The following TSBP1 variants were observed in gnomAD, a reference collection of about 807,000 sequenced individuals.
TSBP1 encodes the protein testis expressed basic protein 1.
Under a neutral mutation model 68.8 loss-of-function variants are expected in TSBP1, and 56 were observed. That is an observed-to-expected ratio of 0.81 (90% CI 0.66 to 1.02). The LOEUF (loss-of-function observed/expected upper bound fraction) is 1.02, where lower values mean the gene tolerates loss of function less well. Among genes scored for constraint, TSBP1 ranks in the 50% least tolerant of loss-of-function variants. The pLI is 0.00. For missense variants in TSBP1, 502 were observed against 641.2 expected (o/e 0.78, Z 2.34); for synonymous variants, 171 against 208.7 (o/e 0.82, Z 1.56).
At chr6:32,317,942 A>G (rs6927448) in intron 18 of TSBP1, among the ~76,000 whole-genome samples, 7,016 of 152,278 alleles carry the variant, frequency 0.046, 367 homozygotes, top group African/African-American at 0.13. Flanking sequence ...CGACCCAGCA[A>G]TCCCATTTCT....
rs376839979 is a variant in TSBP1 at position 32,292,959 on chromosome 6, T to C, written c.*22A>G. The C allele has an allele frequency of 1.6e-4, 225 of 1,429,372 alleles. No homozygotes were observed. The highest frequency in any genetic ancestry group is 2.1e-4 in the Non-Finnish European group (215 of 1,027,332). The allele number at this position is 1,429,372 out of a possible 1,614,324, so 88.5% of individuals were successfully genotyped here. A position where few individuals can be genotyped will look rare whatever the true frequency, so the allele number is the denominator to read the frequency against. On this transcript the variant is annotated 3_prime_UTR_variant, in exon 23 of 23. Coordinates refer to ENST00000612031, the Ensembl canonical transcript of TSBP1. The surrounding 1 kb of genome is among the most constrained non-coding windows in gnomAD (Gnocchi z 4.1). ...GGAATCATAATAATCACTTGTCTTATGGGCCTTTAAAAAATTTATCCTTAC... is the reference window on the plus strand; with the variant it reads ...GGAATCATAATAATCACTTGTCTTACGGGCCTTTAAAAAATTTATCCTTAC...
chr6:32,322,302 T>A (rs558177326), intron 18 of TSBP1, among the ~76,000 whole-genome samples, 184 bp downstream of exon 20: 11 of 152,322 alleles, frequency 7.2e-5, no homozygotes, highest in African/African-American at 2.4e-4. Flanking sequence ...AAGCTGAGTT[T>A]AGAACTAAAA....
rs540794057 is a variant in TSBP1 at position 32,316,283 on chromosome 6, T to G, written c.560-491A>C. The G allele has an allele frequency of 1.6e-5, 13 of 800,596 alleles. No individual in the cohort carries two copies. Among genetic ancestry groups the G allele is most frequent in the Non-Finnish European group, 2.4e-5 (12 of 491,518 alleles). The allele number at this position is 800,596 out of a possible 1,614,324, so 49.6% of individuals were successfully genotyped here. A position where few individuals can be genotyped will look rare whatever the true frequency, so the allele number is the denominator to read the frequency against. On this transcript the variant is annotated intron_variant, in intron 18 of 22. Coordinates refer to ENST00000612031, the Ensembl canonical transcript of TSBP1. The surrounding 1 kb of genome is among the most constrained non-coding windows in gnomAD (Gnocchi z 4.5). Reference sequence around the variant, plus strand: ...AAAAGATTCTCTGTAATATAGACCATGTAGGGTAATAAGGAAGCAAGGGAA... The same window carrying G: ...AAAAGATTCTCTGTAATATAGACCAGGTAGGGTAATAAGGAAGCAAGGGAA...
Position 32,339,037 on chromosome 6 carries a change from A to G in TSBP1, c.389-38T>C, listed in dbSNP as rs760551409. On this transcript the variant is annotated intron_variant, in intron 10 of 22. Coordinates refer to ENST00000612031, the Ensembl canonical transcript of TSBP1. Reference sequence around the variant, plus strand: ...CAAAAAAGGTGAGTTTGAAGAGAGCATGACTCAAGGGTGTTTATCTCAGGG... The same window carrying G: ...CAAAAAAGGTGAGTTTGAAGAGAGCGTGACTCAAGGGTGTTTATCTCAGGG... The G allele has an allele frequency of 3.8e-6, 6 of 1,581,118 alleles. No individual in the cohort carries two copies. The African/African-American group carries it at 6.7e-5, about 18-fold the overall frequency.
At chr6:32,371,870 T>C (rs2050189) in exon 1 of TSBP1, 165,440 of 724,760 alleles carry the variant, frequency 0.23, 21,496 homozygotes, top group South Asian at 0.35. Context: ...TGAGAAATTG[T>C]GTGGAGCAGA....
chr6:32,320,928 C>T (rs1266237631), intron 18 of TSBP1, among the ~76,000 whole-genome samples: 1 of 152,084 alleles, frequency 6.6e-6, no homozygotes, highest in Admixed American at 6.5e-5. Context: ...TAAATAAGAA[C>T]ATGTGGTATC....
intron 16 of TSBP1, among the ~76,000 whole-genome samples, chr6:32,329,864 TAGATTTTAACACC>T (rs146253974): frequency 0.33 from 50,877 of 151,884 alleles, 9,529 homozygotes; most frequent in Middle Eastern, 0.52. Flanking sequence ...TTCGATGCCC[TAGATTTTAACACC>T]AGTTTCTCCC....
Position 32,322,425 on chromosome 6 carries a change from T to G in TSBP1, c.559+692A>C. 2.4e-6 allele frequency: 3 copies of G among 1,238,936 alleles called. No homozygotes were observed. The South Asian group carries it at 3.9e-5, about 16-fold the overall frequency. 76.7% of individuals were successfully genotyped at this position (1,238,936 alleles called of 1,614,324 possible). A position where few individuals can be genotyped will look rare whatever the true frequency, so the allele number is the denominator to read the frequency against. On this transcript the variant is annotated intron_variant, in intron 18 of 22. Transcript: ENST00000612031. ...ATGAGAAATATGAGGCACTTAGAAA[T>G]AGAAACAACTAAGATAAGAAAAGTC...
At chr6:32,362,302 A>AAAAAAAG (rs1773148990) in intron 6 of TSBP1, among the ~76,000 whole-genome samples, 2 of 151,290 alleles carry the variant, frequency 1.3e-5, no homozygotes, top group African/African-American at 4.8e-5. Context: ...AAAAAAAAAA[A>AAAAAAAG]AAAGAAGAGG....
At chr6:32,355,020 T>C in intron 8 of TSBP1, 104 bp downstream of exon 8, 1 of 872,564 alleles carries the variant, frequency 1.1e-6, no homozygotes, top group South Asian at 1.6e-5. Flanking sequence ...TAATTATTTT[T>C]ATACTTAATT....
rs1772934351 is a variant in TSBP1, at chr6:32,360,871, T to C, written c.218-5202A>G. ...CATTTTATTTTATTTTATTTTGTTT[T>C]TTTCTCTCTCTCTTTTTTTTTATTA... On this transcript the variant is annotated intron_variant, in intron 6 of 22. Coordinates refer to ENST00000612031, the Ensembl canonical transcript of TSBP1. Among the ~76,000 whole-genome samples the C allele has an allele frequency of 4.6e-5, 6 of 130,246 alleles. No homozygotes were observed. The South Asian group carries it at 1.7e-3, about 36-fold the overall frequency. 85.4% of individuals were successfully genotyped at this position (130,246 alleles called of 152,430 possible). A position where few individuals can be genotyped will look rare whatever the true frequency, so the allele number is the denominator to read the frequency against.
At chr6:32,295,976 C>T (rs1764678618) in intron 22 of TSBP1, among the ~76,000 whole-genome samples, 1 of 151,962 alleles carries the variant, frequency 6.6e-6, no homozygotes, top group African/African-American at 2.4e-5. Flanking sequence ...TCCCAAGTAG[C>T]TGGGATTACA....
chr6:32,363,179 T>C (rs1377215604), intron 6 of TSBP1, among the ~76,000 whole-genome samples: 4 of 152,162 alleles, frequency 2.6e-5, no homozygotes, highest in Non-Finnish European at 5.9e-5. Flanking sequence ...GATGTAAGTA[T>C]AGCCACCCCT....
intron 6 of TSBP1, among the ~76,000 whole-genome samples, chr6:32,364,904 T>C (rs200218828): frequency 8.9e-6 from 1 of 112,248 alleles, no homozygotes; most frequent in Non-Finnish European, 2.2e-5. Flanking sequence ...TGGGATTTTT[T>C]CCCTTTTTTG....
intron 6 of TSBP1, among the ~76,000 whole-genome samples, chr6:32,360,668 A>T (rs931047147): frequency 2.6e-5 from 4 of 152,142 alleles, no homozygotes; most frequent in Non-Finnish European, 5.9e-5. Flanking sequence ...TCCTAACAAC[A>T]GTGTACAAGG....
intron 22 of TSBP1, 56 bp downstream of exon 25, chr6:32,299,866 C>T: frequency 7.0e-7 from 1 of 1,437,978 alleles, no homozygotes; most frequent in Non-Finnish European, 9.8e-7. Context: ...AGACAGGTCA[C>T]AAAAGAATTA....
chr6:32,362,753 G>T (rs191678025), intron 6 of TSBP1, among the ~76,000 whole-genome samples: 10 of 152,264 alleles, frequency 6.6e-5, no homozygotes, highest in Admixed American at 4.6e-4. Flanking sequence ...TTTTATTATA[G>T]GAGTTTTATA....
Position 32,336,539 on chromosome 6 carries a change from A to G in TSBP1, c.430+76T>C, listed in dbSNP as rs1273802611. 1.7e-6 allele frequency: 2 copies of G among 1,168,288 alleles called. No homozygotes were observed. The highest frequency in any genetic ancestry group is 1.3e-6 in the Non-Finnish European group (1 of 791,834). 72.4% of individuals were successfully genotyped at this position (1,168,288 alleles called of 1,614,324 possible). On this transcript the variant is annotated intron_variant, in intron 12 of 22. Transcript: ENST00000612031. The surrounding 1 kb of genome is among the most constrained non-coding windows in gnomAD (Gnocchi z 5.2). ...AAGTTGAAATTATTTTTAAAAATGC[A>G]GGGCAGATCAGGCCCCAAGACCTTG...
chr6:32,369,460 T>A (rs903128475), intron 2 of TSBP1, among the ~76,000 whole-genome samples: 1 of 150,452 alleles, frequency 6.6e-6, no homozygotes, highest in Non-Finnish European at 1.5e-5. Context: ...AACCTCCGTC[T>A]CCTGGGTTCA....
Sources: allele counts gnomAD v4.1 joint callset (sites outside exome capture counted in the v4.1 genomes callset), GRCh38; gene constraint gnomAD v4.1.1; non-coding constraint Gnocchi (gnomAD v3.1); transcripts MANE v1.5; gene names NCBI Gene and HGNC (gene_info 2026-07-23, HGNC 2026-07-21).